SHTN1: variants seen among roughly 807,000 people sequenced by gnomAD.
SHTN1 encodes shootin 1.
SHTN1 carries 42 observed loss-of-function variants against 83.1 expected under a neutral mutation model. The observed-to-expected ratio is 0.51, with a 90% CI of 0.39 to 0.65. The LOEUF is 0.65. Ranked by LOEUF, SHTN1 falls within the 30% of genes least tolerant of loss-of-function variation. SHTN1 has a pLI of 0.00. For missense variants in SHTN1, 622 were observed against 737.8 expected, an observed-to-expected ratio of 0.84 and a Z score of 1.82; for synonymous variants, 224 against 247.7, an observed-to-expected ratio of 0.90 and a Z score of 0.90.
At chr10:117,056,195 G>A (rs967293938) in intron 1 of SHTN1, among the ~76,000 whole-genome samples, 1 of 152,024 alleles carries the variant, frequency 6.6e-6, no homozygotes, top group African/African-American at 2.4e-5. Flanking sequence ...AAAGATGAAG[G>A]AACACTTACC....
intron 12 of SHTN1, among the ~76,000 whole-genome samples, chr10:116,920,453 T>C (rs964537080): frequency 1.3e-5 from 2 of 152,036 alleles, no homozygotes; most frequent in Non-Finnish European, 2.9e-5. Flanking sequence ...GAATTTTACC[T>C]CCCTAAATAG....
At chr10:116,905,312 G>A (rs1847927258) in intron 15 of SHTN1, among the ~76,000 whole-genome samples, 1 of 151,798 alleles carries the variant, frequency 6.6e-6, no homozygotes, top group Non-Finnish European at 1.5e-5. Flanking sequence ...AATGAATAAC[G>A]ATTATATGTT....
chr10:116,963,758 C>G (rs1313992479), intron 3 of SHTN1, among the ~76,000 whole-genome samples: 3 of 151,984 alleles, frequency 2.0e-5, no homozygotes, highest in Non-Finnish European at 4.4e-5. Context: ...CATGGGGATT[C>G]GTTAAATTAT....
chr10:117,117,816 T>C (rs1853870103), intron 1 of SHTN1, among the ~76,000 whole-genome samples: 2 of 152,274 alleles, frequency 1.3e-5, no homozygotes, highest in East Asian at 1.9e-4. Flanking sequence ...CAATAAACAG[T>C]GCTGGGGAAA....
chr10:117,117,712 G>T (rs1306906481), intron 1 of SHTN1, among the ~76,000 whole-genome samples: 2 of 152,116 alleles, frequency 1.3e-5, no homozygotes, highest in African/African-American at 4.8e-5. Context: ...CAAGGAAACA[G>T]AATAAAGAAC....
chr10:117,034,369 T>C (rs1008486454), intron 2 of SHTN1, among the ~76,000 whole-genome samples: 2 of 152,160 alleles, frequency 1.3e-5, no homozygotes, highest in African/African-American at 2.4e-5. Context: ...TGGCCGGGCA[T>C]GGTGGTTCAC....
chr10:116,903,698 T>C (rs1435659672), intron 15 of SHTN1, among the ~76,000 whole-genome samples: 1 of 152,198 alleles, frequency 6.6e-6, no homozygotes, highest in African/African-American at 2.4e-5. Context: ...TATTCTGCCC[T>C]TGGGTAAGCG....
chr10:117,039,236 T>C (rs760955961), intron 2 of SHTN1, among the ~76,000 whole-genome samples: 4 of 152,150 alleles, frequency 2.6e-5, no homozygotes, highest in Admixed American at 1.3e-4. Context: ...AATAAGCCAA[T>C]CTGAAAAGAC....
chr10:117,111,298 T>G (rs1310714110), intron 1 of SHTN1, among the ~76,000 whole-genome samples: 1 of 151,916 alleles, frequency 6.6e-6, no homozygotes, highest in East Asian at 1.9e-4. Flanking sequence ...ATTTCTTTCT[T>G]TCTTTCTTTC....
intron 1 of SHTN1, among the ~76,000 whole-genome samples, chr10:117,048,917 G>A (rs1852704382): frequency 6.6e-6 from 1 of 152,126 alleles, no homozygotes; most frequent in South Asian, 2.1e-4. Context: ...AAAGGCCTAG[G>A]TGGGAATCTA....
chr10:117,114,859 G>T (rs1396350622), intron 1 of SHTN1, among the ~76,000 whole-genome samples: 1 of 152,186 alleles, frequency 6.6e-6, no homozygotes, highest in East Asian at 1.9e-4. Flanking sequence ...CTTCCAAGCT[G>T]CTCAAGGCTT....
upstream of SHTN1, among the ~76,000 whole-genome samples, chr10:117,006,933 C>T (rs1852025431): frequency 6.6e-6 from 1 of 151,934 alleles, no homozygotes; most frequent in Non-Finnish European, 1.5e-5. Context: ...GGTAGCACTG[C>T]TTTCTCTTTC....
Position 116,949,017 on chromosome 10 carries a change from AG to A in SHTN1, c.535-21del. ...ATTTACCTAAAAATGTGAAATTTTG[AG>A]GGGAGAAAACACCAAAAATTGTAAA... is the stretch of plus-strand genomic sequence containing the variant. On this transcript the variant is annotated intron_variant, in intron 6 of 16. Coordinates refer to ENST00000355371, the MANE Select transcript of SHTN1 (RefSeq NM_001127211.3). The A allele has an allele frequency of 6.6e-7, 1 of 1,514,884 alleles. No individual in the cohort carries two copies. The highest frequency in any genetic ancestry group is 8.8e-7 in the Non-Finnish European group (1 of 1,131,720). The allele number at this position is 1,514,884 out of a possible 1,614,324, so 93.8% of individuals were successfully genotyped here. A position where few individuals can be genotyped will look rare whatever the true frequency, so the allele number is the denominator to read the frequency against.
At chr10:117,079,038 A>T (rs1017006889) in intron 1 of SHTN1, among the ~76,000 whole-genome samples, 18 of 150,790 alleles carry the variant, frequency 1.2e-4, no homozygotes, top group East Asian at 1.9e-4. Flanking sequence ...TTTTATTTTT[A>T]TTTATTTTTT....
At chr10:116,927,984 G>GT in intron 10 of SHTN1, 93 bp from the exon 11 acceptor site, 1 of 1,456,074 alleles carries the variant, frequency 6.9e-7, no homozygotes, top group Non-Finnish European at 9.4e-7. Flanking sequence ...TTTCTCAAAA[G>GT]TAAGTTCTTT....
At chr10:116,889,593 G>A (rs555177021) in intron 16 of SHTN1, among the ~76,000 whole-genome samples, 1 of 152,118 alleles carries the variant, frequency 6.6e-6, no homozygotes, top group East Asian at 1.9e-4. Context: ...GCATGAAGAG[G>A]GGAAGGAACT....
intron 16 of SHTN1, among the ~76,000 whole-genome samples, chr10:116,888,607 G>A (rs913275066): frequency 1.3e-5 from 2 of 152,148 alleles, no homozygotes; most frequent in African/African-American, 4.8e-5. Context: ...GAATAAGCAG[G>A]AGCCTTCCCC....
At chr10:117,000,875 C>T (rs1851800785) in intron 1 of SHTN1, among the ~76,000 whole-genome samples, 1 of 152,196 alleles carries the variant, frequency 6.6e-6, no homozygotes, top group Non-Finnish European at 1.5e-5. Context: ...GAACTCCTCA[C>T]CAGCAGAGGC....
At chr10:116,933,590 C>A (rs917834882) in intron 9 of SHTN1, among the ~76,000 whole-genome samples, 2 of 152,026 alleles carry the variant, frequency 1.3e-5, no homozygotes, top group African/African-American at 4.8e-5. Context: ...GGGTTGGTTC[C>A]AAGTCTTTTC....
Sources: gnomAD v4.1 joint callset for allele counts (sites outside exome capture counted in the v4.1 genomes callset) on GRCh38, gnomAD v4.1.1 for gene constraint, MANE v1.5 for transcripts, NCBI Gene and HGNC (gene_info 2026-07-23, HGNC 2026-07-21) for gene names.